Variants in BCL2L14 observed in about 807,000 individuals in gnomAD.
The protein encoded by BCL2L14 is BCL2 like 14, also known as apoptosis facilitator Bcl-2-like protein 14.
In BCL2L14, 27 loss-of-function variants were observed where a neutral mutation model predicts 35.3. That is an observed-to-expected ratio of 0.76 (90% CI 0.56 to 1.05). BCL2L14 has a LOEUF of 1.05. Ranked by LOEUF, BCL2L14 falls within the 50% of genes least tolerant of loss-of-function variation. The pLI, the probability that BCL2L14 is intolerant of heterozygous loss-of-function variation, is 0.00. For missense variants in BCL2L14, 377 were observed against 382.6 expected (o/e 0.99, Z 0.12); for synonymous variants, 139 against 145.9 (o/e 0.95, Z 0.34).
chr12:12,095,638 G>A (rs1290059769), intron 5 of BCL2L14: 11 of 985,158 alleles, frequency 1.1e-5, no homozygotes, highest in African/African-American at 1.7e-5. Context: ...ATTCCTAGGC[G>A]GACAGACCTT....
At chr12:12,068,035 C>A, upstream of BCL2L14, 1 of 393,102 alleles carries the variant, frequency 2.5e-6, no homozygotes, top group Non-Finnish European at 4.5e-6. Context: ...CGGCCCCCTG[C>A]CAGGCTCAAG....
At chr12:12,082,301 C>T (rs1405124605) in intron 2 of BCL2L14, among the ~76,000 whole-genome samples, 1 of 152,186 alleles carries the variant, frequency 6.6e-6, no homozygotes, top group Non-Finnish European at 1.5e-5. Context: ...GGGAGCGGCC[C>T]CCTGTGGTCC....
chr12:12,087,468 C>G, intron 3 of BCL2L14, 82 bp downstream of exon 3: 1 of 1,464,546 alleles, frequency 6.8e-7, no homozygotes, highest in Non-Finnish European at 9.4e-7. Flanking sequence ...CAGGGCTCGG[C>G]AACTTGACAG....
intron 4 of BCL2L14, among the ~76,000 whole-genome samples, chr12:12,092,030 G>A (rs1169366274): frequency 3.3e-5 from 5 of 152,174 alleles, no homozygotes; most frequent in East Asian, 3.9e-4. Flanking sequence ...TTGCAAGTAG[G>A]TGCCAATACC....
chr12:12,079,979 T>A (rs2448044), intron 2 of BCL2L14, among the ~76,000 whole-genome samples: 1 of 152,218 alleles, frequency 6.6e-6, no homozygotes, highest in Non-Finnish European at 1.5e-5. Flanking sequence ...CCAAGGCGGG[T>A]GGATCATGAG....
At chr12:12,088,167 G>C (rs750786139) in intron 3 of BCL2L14, among the ~76,000 whole-genome samples, 7 of 152,158 alleles carry the variant, frequency 4.6e-5, no homozygotes, top group African/African-American at 7.2e-5. Flanking sequence ...AGGTTTAATA[G>C]GCAAAACAAA....
intron 3 of BCL2L14, among the ~76,000 whole-genome samples, chr12:12,088,118 G>A (rs1010775136): frequency 2.0e-5 from 3 of 152,182 alleles, no homozygotes; most frequent in African/African-American, 4.8e-5. Context: ...CAAGGGAATC[G>A]AGGACATGGA....
At chr12:12,080,310 C>T (rs78156730) in intron 2 of BCL2L14, among the ~76,000 whole-genome samples, 6,389 of 151,776 alleles carry the variant, frequency 0.042, 199 homozygotes, top group Middle Eastern at 0.11. Flanking sequence ...TCCTAGTCCT[C>T]TGTACCAGAC....
chr12:12,054,919 G>A (rs1360104568), intron 2 of BCL2L14: 4 of 145,742 alleles, frequency 2.7e-5, no homozygotes, highest in African/African-American at 1.0e-4. Flanking sequence ...CTGGACTCCA[G>A]CCTGGGCGAC....
chr12:12,053,309 G>T (rs1190519207), intron 2 of BCL2L14, among the ~76,000 whole-genome samples: 2 of 152,194 alleles, frequency 1.3e-5, no homozygotes, highest in East Asian at 1.9e-4. Context: ...AAGGCAAGTA[G>T]TCTCACTCCC....
intron 2 of BCL2L14, among the ~76,000 whole-genome samples, chr12:12,083,157 G>A (rs1240116707): frequency 6.6e-6 from 1 of 152,226 alleles, no homozygotes; most frequent in South Asian, 2.1e-4. Context: ...GTAGAGACAG[G>A]GTTTCATCGT....
upstream of BCL2L14, among the ~76,000 whole-genome samples, chr12:12,066,555 C>T (rs1029006255): frequency 6.6e-6 from 1 of 152,082 alleles, no homozygotes; most frequent in African/African-American, 2.4e-5. Flanking sequence ...GAATTCAAAG[C>T]ATATATAACA....
Position 12,098,986 on chromosome 12 carries a change from T to G in BCL2L14, c.982T>G (p.Ter328GlyextTer36), listed in dbSNP as rs1421118289. Residue 328 changes from the stop codon to glycine, a stop_lost, in exon 6 of 6, where the codon TGA becomes GGA. Coordinates refer to ENST00000308721, the MANE Select transcript of BCL2L14 (RefSeq NM_138723.2). ...TGGGATATCACATGAAGAAGTAGAC[T>G]GAAATATCAGATTTGTCATCAGGAA... ...ILGISHEEVD[*>G] 1 of 1,600,378 alleles carries G rather than the reference T, an allele frequency of 6.2e-7. No homozygotes were observed. Among genetic ancestry groups the G allele is most frequent in the South Asian group, 1.1e-5 (1 of 90,778 alleles).
chr12:12,058,876 C>T (rs1948475624), intron 2 of BCL2L14, among the ~76,000 whole-genome samples: 1 of 152,206 alleles, frequency 6.6e-6, no homozygotes, highest in Non-Finnish European at 1.5e-5. Context: ...CCACCTATGA[C>T]CTCAGGTTCT....
chr12:12,051,424 A>G lies in BCL2L14; in HGVS notation c.-323-372A>G, dbSNP rs191574748. ...CAGGGAATCCCGAGGGTTCCCCTCT[A>G]CTCCACTCCTGACAGTGGCCATCCT... On this transcript the variant is annotated intron_variant, in intron 1 of 3. Transcript: ENST00000461264. Among the ~76,000 whole-genome samples, 8 of 151,552 alleles carry G rather than the reference A, an allele frequency of 5.3e-5. No homozygotes were observed. The East Asian group carries it at 1.4e-3, about 26-fold the overall frequency.
At position 12,054,417 on chromosome 12, in the gene BCL2L14, T is replaced by A. The variant is rs368715377; in HGVS notation, c.-272+2570T>A. ...TACTTGGGAGGCTGAGGCAGGAGAATTGCTTGAACCCAGGAGGTGGAGGTT... is the reference window on the plus strand; with the variant it reads ...TACTTGGGAGGCTGAGGCAGGAGAAATGCTTGAACCCAGGAGGTGGAGGTT... On this transcript the variant is annotated intron_variant, in intron 2 of 3. Transcript: ENST00000461264. Among the ~76,000 whole-genome samples the A allele has an allele frequency of 3.6e-4, 55 of 151,076 alleles. No homozygotes were observed. The East Asian group carries it at 0.01, about 28-fold the overall frequency.
chr12:12,050,828 A>AGAAT (rs1948347962), intron 1 of BCL2L14, among the ~76,000 whole-genome samples: 1 of 151,592 alleles, frequency 6.6e-6, no homozygotes, highest in African/African-American at 2.4e-5. Context: ...AGAAAAGAAA[A>AGAAT]GAAAAAAGAA....
chr12:12,052,078 CCTTT>C (rs550543193), intron 2 of BCL2L14, among the ~76,000 whole-genome samples: 188 of 151,902 alleles, frequency 1.2e-3, no homozygotes, highest in African/African-American at 4.3e-3. Flanking sequence ...TTTTCTTCTT[CCTTT>C]GTTTTTCGTT....
intron 2 of BCL2L14, among the ~76,000 whole-genome samples, chr12:12,080,067 T>C (rs550953319): frequency 8.1e-4 from 123 of 152,020 alleles, no homozygotes; most frequent in Admixed American, 1.8e-3. Context: ...TAGCCGGGCG[T>C]GTTGGCGGGT....
Sources: allele counts gnomAD v4.1 joint callset (sites outside exome capture counted in the v4.1 genomes callset), GRCh38; gene constraint gnomAD v4.1.1; transcripts MANE v1.5; gene names NCBI Gene and HGNC (gene_info 2026-07-23, HGNC 2026-07-21).